RGS10: variants seen among roughly 807,000 people sequenced by gnomAD.
RGS10 encodes the protein regulator of G protein signaling 10.
A neutral mutation model predicts 23.5 loss-of-function variants in RGS10; 11 were observed. That is an observed-to-expected ratio of 0.47 (90% CI 0.29 to 0.77). The LOEUF (loss-of-function observed/expected upper bound fraction) is 0.77, where lower values mean the gene tolerates loss of function less well. Ranked by LOEUF, RGS10 falls within the 30% of genes least tolerant of loss-of-function variation. The pLI, the probability that RGS10 is intolerant of heterozygous loss-of-function variation, is 0.08. For synonymous variants in RGS10, 77 were observed against 83.2 expected (o/e 0.92, Z 0.41); for missense variants, 180 against 226.3 (o/e 0.80, Z 1.31).
In RGS10 at chr10:119,506,507, G is replaced by A. The variant is rs545486835; in HGVS notation, c.400-6248C>T. 2.2e-3 allele frequency among the ~76,000 whole-genome samples: 329 copies of A among 152,368 alleles called. 1 individual carries two copies. Among genetic ancestry groups the A allele is most frequent in the Non-Finnish European group, 3.8e-3 (259 of 68,034 alleles). ...TCCCCTCCCAAGCTCACGGGTTCAC[G>A]CGTGTGGCGGTCACACGTGTGGAGC... On this transcript the variant is annotated intron_variant, in intron 4 of 4. Transcript: ENST00000369103.
At chr10:119,501,114 C>T (rs150141617) in intron 4 of RGS10, among the ~76,000 whole-genome samples, 5 of 152,310 alleles carry the variant, frequency 3.3e-5, no homozygotes, top group African/African-American at 1.2e-4. Context: ...CAATCCTGTG[C>T]CATCTGCCCT....
chr10:119,502,024 A>G (rs1843958242), intron 4 of RGS10, among the ~76,000 whole-genome samples: 1 of 152,140 alleles, frequency 6.6e-6, no homozygotes, highest in Admixed American at 6.5e-5. Context: ...CCAGCTGCTC[A>G]GCAAGACCCT....
intron 3 of RGS10, among the ~76,000 whole-genome samples, chr10:119,519,369 T>C (rs1372619313): frequency 2.3e-5 from 3 of 132,714 alleles, no homozygotes; most frequent in Non-Finnish European, 4.7e-5. Context: ...GTCCCCCAGC[T>C]CCTGTCTCCC....
chr10:119,512,744 C>T (rs1419859795), intron 4 of RGS10, among the ~76,000 whole-genome samples: 13 of 152,142 alleles, frequency 8.5e-5, no homozygotes, highest in Admixed American at 6.5e-5. Flanking sequence ...GATGGGGTTT[C>T]GCTATCTTGG....
chr10:119,536,777 C>T (rs1385185146), intron 1 of RGS10, among the ~76,000 whole-genome samples: 7 of 152,142 alleles, frequency 4.6e-5, no homozygotes, highest in Admixed American at 4.6e-4. Context: ...AACAAAGACC[C>T]TGTCATCGAT....
intron 3 of RGS10, among the ~76,000 whole-genome samples, chr10:119,520,250 T>G (rs1462882224): frequency 4.6e-5 from 7 of 152,170 alleles, no homozygotes. Context: ...TTTCAAGAAC[T>G]GGCTCAGGAA....
chr10:119,507,461 T>A (rs937564919), intron 4 of RGS10, among the ~76,000 whole-genome samples: 6 of 152,094 alleles, frequency 3.9e-5, no homozygotes, highest in Non-Finnish European at 7.4e-5. Flanking sequence ...AAGGAAGCAT[T>A]TTTCCCCTCT....
chr10:119,526,056 A>G lies in RGS10; in HGVS notation c.231T>C (p.Phe77=). 6.3e-7 allele frequency: 1 copy of G among 1,576,928 alleles called. No homozygotes were observed. Among genetic ancestry groups the G allele is most frequent in the Non-Finnish European group, 8.6e-7 (1 of 1,161,798 alleles). ...NVLFWLACED[F]KKMQDKTQMQ... The stretch of plus-strand genomic sequence containing the variant: ...CCTGCGTCTTATCTTGCATTTTCTT[A>G]AAATCTTCACATGCTAGCCAAAACA... The change falls in exon 3 of 5, where the codon TTT becomes TTC. Residue 77 remains phenylalanine (F), a synonymous_variant. Transcript: ENST00000369103.
chr10:119,511,377 G>T (rs961485308), intron 4 of RGS10, among the ~76,000 whole-genome samples: 1 of 152,168 alleles, frequency 6.6e-6, no homozygotes, highest in Admixed American at 6.5e-5. Context: ...CCAGTACTTT[G>T]GGAGGCCGAG....
intron 3 of RGS10, among the ~76,000 whole-genome samples, chr10:119,523,393 A>G (rs1844240498): frequency 6.6e-6 from 1 of 152,200 alleles, no homozygotes; most frequent in African/African-American, 2.4e-5. Context: ...GGCCGAGTAC[A>G]GTGGCTCACA....
chr10:119,528,321 G>A (rs190587162), intron 1 of RGS10, among the ~76,000 whole-genome samples: 9 of 151,844 alleles, frequency 5.9e-5, no homozygotes, highest in Admixed American at 3.3e-4. Context: ...ATGAGCCACC[G>A]CGCCCAGTTC....
intron 4 of RGS10, among the ~76,000 whole-genome samples, chr10:119,511,795 G>A (rs532392708): frequency 6.6e-6 from 1 of 152,198 alleles, no homozygotes; most frequent in East Asian, 1.9e-4. Context: ...AGGTCCCCAC[G>A]CCCAGGCTCA....
intron 4 of RGS10, among the ~76,000 whole-genome samples, chr10:119,503,372 C>T (rs962863411): frequency 6.6e-5 from 10 of 151,226 alleles, no homozygotes; most frequent in Non-Finnish European, 1.3e-4. Flanking sequence ...GCACCTAAAA[C>T]TTTCTTCCAA....
chr10:119,537,458 C>G (rs6585551), intron 1 of RGS10, among the ~76,000 whole-genome samples: 8 of 151,542 alleles, frequency 5.3e-5, no homozygotes, highest in African/African-American at 1.9e-4. Flanking sequence ...TTGCAACAAT[C>G]CTTGCAAGCT....
chr10:119,513,705 A>G (rs1844103784), intron 4 of RGS10, among the ~76,000 whole-genome samples: 1 of 151,982 alleles, frequency 6.6e-6, no homozygotes, highest in African/African-American at 2.4e-5. Flanking sequence ...TCCTCATCCT[A>G]CCTTGGCTCC....
At chr10:119,515,398 C>G (rs1844130453) in intron 4 of RGS10, 111 bp downstream of exon 4, 2 of 1,325,138 alleles carry the variant, frequency 1.5e-6, no homozygotes, top group African/African-American at 1.4e-5. Context: ...TCTGCCCGGC[C>G]GTATGAGATG....
chr10:119,514,452 G>T (rs1844117694), intron 4 of RGS10, among the ~76,000 whole-genome samples: 1 of 152,108 alleles, frequency 6.6e-6, no homozygotes, highest in South Asian at 2.1e-4. Flanking sequence ...GAGGTCAGGA[G>T]TTCGAGACTA....
At chr10:119,540,144 A>AT (rs1362957653) in intron 1 of RGS10, among the ~76,000 whole-genome samples, 1 of 49,306 alleles carries the variant, frequency 2.0e-5, no homozygotes, top group Non-Finnish European at 8.7e-5. Flanking sequence ...CCCTACACCT[A>AT]CAATTCCAAA....
chr10:119,528,520 C>T (rs1264458751), intron 1 of RGS10, among the ~76,000 whole-genome samples: 2 of 152,052 alleles, frequency 1.3e-5, no homozygotes, highest in Non-Finnish European at 2.9e-5. Context: ...TTGTTCATTA[C>T]GGATGTTTCT....
Sources: gnomAD v4.1 joint callset for allele counts (sites outside exome capture counted in the v4.1 genomes callset) on GRCh38, gnomAD v4.1.1 for gene constraint, MANE v1.5 for transcripts, NCBI Gene and HGNC (gene_info 2026-07-23, HGNC 2026-07-21) for gene names.